The following STRN3 variants were observed in gnomAD, a reference collection of about 807,000 sequenced individuals.
The protein encoded by STRN3 is striatin 3, also known as striatin-3.
STRN3 carries 29 observed loss-of-function variants against 95.6 expected under a neutral mutation model. The ratio of observed to expected loss-of-function variants is 0.30; its 90% CI spans 0.23 to 0.41. STRN3 has a LOEUF of 0.41. STRN3 is among the 10% of genes least tolerant of loss of function. The probability of loss-of-function intolerance (pLI) is 1.00; values close to 1 mark genes in which losing one functional copy is unlikely to be tolerated. For missense variants in STRN3, 890 were observed against 972.1 expected, an observed-to-expected ratio of 0.92 and a Z score of 1.12; for synonymous variants, 331 against 357.6, an observed-to-expected ratio of 0.93 and a Z score of 0.84.
chr14:30,917,190 G>T (rs947880815), intron 9 of STRN3, among the ~76,000 whole-genome samples: 2 of 152,110 alleles, frequency 1.3e-5, no homozygotes, highest in South Asian at 4.1e-4. Context: ...CAGGAAGATC[G>T]ATACTTCAAA....
At chr14:30,909,431 G>A (rs894817230) in intron 13 of STRN3, among the ~76,000 whole-genome samples, 2 of 151,774 alleles carry the variant, frequency 1.3e-5, no homozygotes, top group Non-Finnish European at 1.5e-5. Flanking sequence ...CCAAGATCAC[G>A]CCACTGCCCT....
chr14:30,939,865 C>T, intron 5 of STRN3, among the ~76,000 whole-genome samples: 1 of 152,164 alleles, frequency 6.6e-6, no homozygotes, highest in East Asian at 1.9e-4. Flanking sequence ...CACATCCACA[C>T]TTCCTCCCAT....
At chr14:30,957,901 A>T (rs1879999424) in intron 1 of STRN3, among the ~76,000 whole-genome samples, 2 of 152,188 alleles carry the variant, frequency 1.3e-5, no homozygotes, top group African/African-American at 4.8e-5. Context: ...TCAGTAAGCT[A>T]AATTGTTGTT....
Position 30,895,307 on chromosome 14 carries a change from A to T in STRN3, c.*104T>A, listed in dbSNP as rs1896111788. ...GTGCCTGCCCCAGATAGCCTTCACC[A>T]GGCAGATCACATGTAGTGTCATATC... is the stretch of plus-strand genomic sequence containing the variant. On this transcript the variant is annotated 3_prime_UTR_variant, in exon 18 of 18. Transcript: ENST00000357479. 3 of 1,227,562 alleles carry T rather than the reference A, an allele frequency of 2.4e-6. No homozygotes were observed. In the Admixed American group the frequency reaches 8.5e-5, roughly 35 times the overall value. 76.0% of individuals were successfully genotyped at this position (1,227,562 alleles called of 1,614,324 possible). A position where few individuals can be genotyped will look rare whatever the true frequency, so the allele number is the denominator to read the frequency against.
chr14:31,018,846 G>T, intron 1 of STRN3: 1 of 354,954 alleles, frequency 2.8e-6, no homozygotes, highest in East Asian at 8.2e-5. Context: ...ATTTAGGCAG[G>T]GCATAGTGGC....
At chr14:31,013,312 G>A (rs1300159420) in intron 1 of STRN3, among the ~76,000 whole-genome samples, 3 of 151,636 alleles carry the variant, frequency 2.0e-5, no homozygotes, top group Non-Finnish European at 4.4e-5. Flanking sequence ...GATAGAGGTC[G>A]CAGCCAGCCA....
At chr14:30,931,172 G>A (rs1297758225) in intron 7 of STRN3, among the ~76,000 whole-genome samples, 1 of 152,108 alleles carries the variant, frequency 6.6e-6, no homozygotes, top group African/African-American at 2.4e-5. Context: ...AGTAAATTTA[G>A]GCAGTGCAAA....
intron 1 of STRN3, among the ~76,000 whole-genome samples, chr14:31,016,370 A>G (rs1263318631): frequency 6.6e-6 from 1 of 152,156 alleles, no homozygotes; most frequent in South Asian, 2.1e-4. Context: ...TCAGCACTAA[A>G]AAGAAATAAT....
chr14:30,894,119 T>C lies in STRN3; in HGVS notation c.*1292A>G, dbSNP rs1896064819. On this transcript the variant is annotated 3_prime_UTR_variant, in exon 18 of 18. Coordinates refer to ENST00000357479, the MANE Select transcript of STRN3 (RefSeq NM_001083893.2). ...ACAAACAAAATCTTTAGTTACACCA[T>C]AAAATTAAGCACATCTAAAAAAATA... 1 of 152,542 alleles carries C rather than the reference T, an allele frequency of 6.6e-6. No individual in the cohort carries two copies. The highest frequency in any genetic ancestry group is 2.4e-5 in the African/African-American group (1 of 41,438). The allele number at this position is 152,542 out of a possible 1,614,324, so 9.4% of individuals were successfully genotyped here.
At chr14:30,973,470 C>G (rs1880939134) in intron 1 of STRN3, among the ~76,000 whole-genome samples, 1 of 151,524 alleles carries the variant, frequency 6.6e-6, no homozygotes, top group Admixed American at 6.6e-5. Flanking sequence ...TAGTAACCAC[C>G]AATTCTACAC....
At chr14:30,944,242 C>CTACG (rs1486314418) in intron 5 of STRN3, among the ~76,000 whole-genome samples, 1 of 151,968 alleles carries the variant, frequency 6.6e-6, no homozygotes, top group African/African-American at 2.4e-5. Flanking sequence ...ATTCTATGAA[C>CTACG]TACGTGGGTG....
intron 9 of STRN3, among the ~76,000 whole-genome samples, chr14:30,918,364 C>T (rs1370733659): frequency 3.3e-5 from 5 of 151,682 alleles, no homozygotes; most frequent in African/African-American, 1.2e-4. Context: ...AAAAATTGGC[C>T]GGGGAATGGT....
chr14:31,009,687 T>C (rs1882880018), intron 1 of STRN3, among the ~76,000 whole-genome samples: 1 of 150,808 alleles, frequency 6.6e-6, no homozygotes. Context: ...TATTAAAAAC[T>C]AATATAAAAA....
chr14:30,947,552 C>A (rs1464918133), intron 4 of STRN3, among the ~76,000 whole-genome samples: 1 of 152,122 alleles, frequency 6.6e-6, no homozygotes, highest in South Asian at 2.1e-4. Context: ...TACACACACA[C>A]ACACATTTTT....
chr14:31,006,979 C>T (rs193210941), intron 1 of STRN3, among the ~76,000 whole-genome samples: 1 of 152,104 alleles, frequency 6.6e-6, no homozygotes, highest in Non-Finnish European at 1.5e-5. Context: ...CAGAGTGAGA[C>T]CCTGTCTCTA....
intron 1 of STRN3, among the ~76,000 whole-genome samples, chr14:30,957,263 G>A (rs1449233714): frequency 6.6e-6 from 1 of 152,100 alleles, no homozygotes; most frequent in South Asian, 2.1e-4. Context: ...GACCATCCTG[G>A]CTAACACGGT....
chr14:31,006,542 A>T (rs539695623), intron 1 of STRN3, among the ~76,000 whole-genome samples: 1 of 152,116 alleles, frequency 6.6e-6, no homozygotes, highest in East Asian at 1.9e-4. Context: ...CTAAAAATAT[A>T]AAAAAAGGCT....
intron 1 of STRN3, among the ~76,000 whole-genome samples, chr14:30,988,024 C>T (rs763446688): frequency 1.3e-5 from 2 of 152,212 alleles, no homozygotes; most frequent in African/African-American, 4.8e-5. Flanking sequence ...GCGTAAGCCA[C>T]CGCGTCCAGC....
At chr14:31,016,284 T>C (rs531595690) in intron 1 of STRN3, among the ~76,000 whole-genome samples, 38 of 152,286 alleles carry the variant, frequency 2.5e-4, no homozygotes, top group African/African-American at 8.9e-4. Flanking sequence ...TACTCATAAT[T>C]GTCAAAACTT....
Sources: gnomAD v4.1 joint callset for allele counts (sites outside exome capture counted in the v4.1 genomes callset) on GRCh38, gnomAD v4.1.1 for gene constraint, MANE v1.5 for transcripts, NCBI Gene and HGNC (gene_info 2026-07-23, HGNC 2026-07-21) for gene names.